The following EML1 variants were observed in gnomAD, a reference collection of about 807,000 sequenced individuals.
EML1 encodes the protein EMAP like 1.
In EML1, 27 loss-of-function variants were observed where a neutral mutation model predicts 110.4. That is an observed-to-expected ratio of 0.24 (90% confidence interval 0.18 to 0.34). The LOEUF is 0.34. EML1 is among the 10% of genes least tolerant of loss of function. EML1 has a pLI of 1.00. For missense variants in EML1, 741 were observed against 1,030.9 expected (o/e 0.72, Z 3.85); for synonymous variants, 344 against 385.8 (o/e 0.89, Z 1.27).
intron 17 of EML1, among the ~76,000 whole-genome samples, chr14:99,923,607 T>G (rs7158654): frequency 8.4e-6 from 1 of 118,936 alleles, no homozygotes; most frequent in African/African-American, 4.5e-5. Context: ...CGATCAGAAA[T>G]GTAAAGGTTT....
intron 1 of EML1, among the ~76,000 whole-genome samples, chr14:99,815,392 C>T (rs760802387): frequency 1.7e-4 from 26 of 152,004 alleles, no homozygotes; most frequent in Non-Finnish European, 3.2e-4. Flanking sequence ...CTGCTCGCCT[C>T]GGCTTCCCAA....
intron 4 of EML1, among the ~76,000 whole-genome samples, chr14:99,878,918 G>C (rs995587950): frequency 6.6e-6 from 1 of 152,196 alleles, no homozygotes; most frequent in Non-Finnish European, 1.5e-5. Flanking sequence ...AACTGGGGAA[G>C]CCATTCTGAA....
chr14:99,738,768 C>T (rs936094299), intron 1 of EML1, among the ~76,000 whole-genome samples: 34 of 152,214 alleles, frequency 2.2e-4, no homozygotes, highest in African/African-American at 7.2e-4. Flanking sequence ...CAGGGCCCTG[C>T]GTGCTGGCAG....
intron 17 of EML1, among the ~76,000 whole-genome samples, chr14:99,932,987 G>A (rs971982429): frequency 6.6e-5 from 10 of 151,914 alleles, no homozygotes; most frequent in East Asian, 5.8e-4. Context: ...GCATAGTAGC[G>A]CACATCTGTA....
At chr14:99,834,067 A>T (rs2058501843) in intron 1 of EML1, among the ~76,000 whole-genome samples, 1 of 151,520 alleles carries the variant, frequency 6.6e-6, no homozygotes, top group Non-Finnish European at 1.5e-5. Flanking sequence ...CCTTCATCAG[A>T]TTGAGGAAGT....
At chr14:99,769,214 G>A (rs1443865470), upstream of EML1, among the ~76,000 whole-genome samples, 1 of 152,188 alleles carries the variant, frequency 6.6e-6, no homozygotes, top group Non-Finnish European at 1.5e-5. Flanking sequence ...TAGTGACTCT[G>A]AGCAGCGTGG....
rs142106643 is a variant in EML1, at chr14:99,819,623, G to A, written c.67+26080G>A. Among the ~76,000 whole-genome samples, 893 of 152,340 alleles carry A rather than the reference G, an allele frequency of 5.9e-3. 7 individuals carry two copies. Among genetic ancestry groups the A allele is most frequent in the South Asian group, 0.017 (82 of 4,826 alleles). On this transcript the variant is annotated intron_variant, in intron 1 of 21. Coordinates refer to ENST00000262233, the MANE Select transcript of EML1 (RefSeq NM_004434.3). ...ACAAGATCTGTTCCTTGGCCCTGCG[G>A]TGACGGGAAGAGGGGAGATGGAGGT...
intron 4 of EML1, among the ~76,000 whole-genome samples, chr14:99,879,233 C>T (rs529134338): frequency 2.0e-4 from 30 of 152,020 alleles, no homozygotes; most frequent in Non-Finnish European, 2.8e-4. Context: ...CTGAATGCTG[C>T]TTTTTGGCAT....
At chr14:99,930,381 A>G (rs937740454) in intron 17 of EML1, among the ~76,000 whole-genome samples, 56 of 152,216 alleles carry the variant, frequency 3.7e-4, no homozygotes, top group African/African-American at 1.3e-3. Context: ...CTGGAACGCA[A>G]CCACGAAGCC....
chr14:99,746,330 T>C (rs1203231230), intron 1 of EML1, among the ~76,000 whole-genome samples: 2 of 152,162 alleles, frequency 1.3e-5, no homozygotes, highest in Admixed American at 1.3e-4. Context: ...GGGAAGGGCC[T>C]TTATCAGGAC....
Position 99,939,883 on chromosome 14 carries a change from G to GTAGATCT in EML1, c.2323-104_2323-103insTAGATCT. 7.3e-7 allele frequency: 1 copy of GTAGATCT among 1,372,870 alleles called. No homozygotes were observed. The highest frequency in any genetic ancestry group is 9.6e-7 in the Non-Finnish European group (1 of 1,039,084). The allele number at this position is 1,372,870 out of a possible 1,614,324, so 85.0% of individuals were successfully genotyped here. The stretch of plus-strand genomic sequence containing the variant: ...CCAAGTGAGAGCTGCCGAGCGGAGG[G>GTAGATCT]CGAGTAAAGGAATTAAGGCATGCAG... On this transcript the variant is annotated intron_variant, in intron 21 of 21. Transcript: ENST00000262233. The surrounding 1 kb of genome is among the most constrained non-coding windows in gnomAD (Gnocchi z 4.2).
At chr14:99,873,886 C>A (rs2059245879) in intron 3 of EML1, among the ~76,000 whole-genome samples, 1 of 152,214 alleles carries the variant, frequency 6.6e-6, no homozygotes, top group Non-Finnish European at 1.5e-5. Flanking sequence ...GCATAGCGCA[C>A]AGTGGATGGT....
At chr14:99,813,817 T>C (rs911373337) in intron 1 of EML1, among the ~76,000 whole-genome samples, 1 of 152,138 alleles carries the variant, frequency 6.6e-6, no homozygotes, top group African/African-American at 2.4e-5. Context: ...ATCAACTCAA[T>C]TGGAATTGAG....
intron 1 of EML1, among the ~76,000 whole-genome samples, chr14:99,741,634 C>G (rs1334428006): frequency 1.3e-5 from 2 of 151,478 alleles, no homozygotes; most frequent in African/African-American, 4.9e-5. Flanking sequence ...GCCCACCCCC[C>G]CCCAGACCTC....
rs745775599 is a variant in EML1 at position 99,919,429 on chromosome 14, C to CACACACAG, written c.1821-1353_1821-1352insGACACACA. 2.4e-3 allele frequency among the ~76,000 whole-genome samples: 320 copies of CACACACAG among 135,328 alleles called. 3 individuals carry two copies. The highest frequency in any genetic ancestry group is 9.6e-3 in the East Asian group (44 of 4,582). 88.8% of individuals were successfully genotyped at this position (135,328 alleles called of 152,430 possible). A position where few individuals can be genotyped will look rare whatever the true frequency, so the allele number is the denominator to read the frequency against. On this transcript the variant is annotated intron_variant, in intron 16 of 21. Coordinates refer to ENST00000262233, the MANE Select transcript of EML1 (RefSeq NM_004434.3). ...ACACACATACGCATGCACACAGACA[C>CACACACAG]ACACACACACACACACACACACACA...
chr14:99,876,266 T>C (rs1455234154), intron 3 of EML1, among the ~76,000 whole-genome samples: 1 of 152,120 alleles, frequency 6.6e-6, no homozygotes, highest in Non-Finnish European at 1.5e-5. Flanking sequence ...GACGTTGAGC[T>C]TCAGTGCAGG....
intron 1 of EML1, among the ~76,000 whole-genome samples, chr14:99,758,528 G>A (rs1229843381): frequency 6.6e-6 from 1 of 152,178 alleles, no homozygotes. Flanking sequence ...CCAAAGGCAG[G>A]CACAGTTGGG....
At chr14:99,807,892 A>G (rs1184478708) in intron 1 of EML1, among the ~76,000 whole-genome samples, 1 of 152,098 alleles carries the variant, frequency 6.6e-6, no homozygotes, top group Non-Finnish European at 1.5e-5. Flanking sequence ...GGTATCTCAT[A>G]AATGTTAGAT....
At chr14:99,810,534 G>A (rs922080577) in intron 1 of EML1, among the ~76,000 whole-genome samples, 43 of 152,166 alleles carry the variant, frequency 2.8e-4, no homozygotes, top group African/African-American at 9.7e-4. Flanking sequence ...TCCAATCCTC[G>A]TGGCTTTTCC....
Sources: gnomAD v4.1 joint callset for allele counts (sites outside exome capture counted in the v4.1 genomes callset) on GRCh38, gnomAD v4.1.1 for gene constraint, Gnocchi (gnomAD v3.1) non-coding constraint, MANE v1.5 for transcripts, NCBI Gene and HGNC (gene_info 2026-07-23, HGNC 2026-07-21) for gene names.